The following PIK3C3 variants were observed in gnomAD, a reference collection of about 807,000 sequenced individuals.
PIK3C3 encodes the protein PI3-kinase type 3.
PIK3C3 carries 95 observed loss-of-function variants against 126.1 expected under a neutral mutation model. The observed-to-expected ratio is 0.75, with a 90% CI of 0.64 to 0.89. The LOEUF (loss-of-function observed/expected upper bound fraction) is 0.89. Among genes scored for constraint, PIK3C3 ranks in the 40% least tolerant of loss-of-function variants. The pLI, the probability that PIK3C3 is intolerant of heterozygous loss-of-function variation, is 0.00. For missense variants in PIK3C3, 829 were observed against 1,063.2 expected, an observed-to-expected ratio of 0.78 and a Z score of 3.06; for synonymous variants, 374 against 360.0, an observed-to-expected ratio of 1.04 and a Z score of -0.44.
chr18:42,008,117 C>T (rs1313766805), intron 10 of PIK3C3, among the ~76,000 whole-genome samples: 1 of 151,984 alleles, frequency 6.6e-6, no homozygotes, highest in African/African-American at 2.4e-5. Flanking sequence ...TTTTATCAGC[C>T]ATACACTTGT....
chr18:41,970,991 T>C (rs1980638111), intron 4 of PIK3C3: 1 of 155,548 alleles, frequency 6.4e-6, no homozygotes, highest in Non-Finnish European at 1.4e-5. Flanking sequence ...GAAGTGAAGA[T>C]GACTCAGACA....
chr18:42,076,140 A>ATG (rs1350123602), intron 24 of PIK3C3, among the ~76,000 whole-genome samples: 16 of 78,752 alleles, frequency 2.0e-4, no homozygotes, highest in African/African-American at 1.3e-3. Context: ...ATATATATAT[A>ATG]TATGCGCATA....
At chr18:41,958,820 A>T (rs1331975441) in intron 2 of PIK3C3, among the ~76,000 whole-genome samples, 2 of 152,142 alleles carry the variant, frequency 1.3e-5, no homozygotes, top group South Asian at 4.1e-4. Flanking sequence ...TAAACCTACA[A>T]AAATAGAATA....
chr18:42,041,685 G>C (rs1358605926), intron 19 of PIK3C3, among the ~76,000 whole-genome samples: 1 of 151,772 alleles, frequency 6.6e-6, no homozygotes, highest in African/African-American at 2.4e-5. Flanking sequence ...GTTTGATACA[G>C]TGTGTTTTTG....
chr18:42,000,883 C>A (rs547722928), intron 9 of PIK3C3, among the ~76,000 whole-genome samples: 3 of 152,084 alleles, frequency 2.0e-5, no homozygotes, highest in African/African-American at 7.2e-5. Flanking sequence ...TCTCATAACA[C>A]GTGGGAGCTG....
At chr18:41,995,774 A>G in intron 7 of PIK3C3, 116 bp from the exon 8 acceptor site, 1 of 701,172 alleles carries the variant, frequency 1.4e-6, no homozygotes, top group Non-Finnish European at 2.5e-6. Flanking sequence ...AAGTTGTATC[A>G]GAACAAAACA....
At chr18:42,076,233 T>C (rs139655664) in intron 24 of PIK3C3, among the ~76,000 whole-genome samples, 2 of 148,046 alleles carry the variant, frequency 1.4e-5, no homozygotes, top group African/African-American at 5.0e-5. Flanking sequence ...CATATATATA[T>C]TACATATTCA....
intron 5 of PIK3C3, among the ~76,000 whole-genome samples, chr18:41,990,017 C>T (rs1329024144): frequency 6.6e-6 from 1 of 152,122 alleles, no homozygotes; most frequent in Non-Finnish European, 1.5e-5. Context: ...TTAGGTTGCA[C>T]ACTTTTCTTC....
intron 9 of PIK3C3, among the ~76,000 whole-genome samples, chr18:41,997,102 A>T (rs1406443765): frequency 1.3e-5 from 2 of 152,284 alleles, no homozygotes; most frequent in East Asian, 1.9e-4. Context: ...GTAACCTGGT[A>T]GAGTATCTGG....
At chr18:42,072,570 G>GC (rs1327145812) in intron 24 of PIK3C3, among the ~76,000 whole-genome samples, 10 of 151,902 alleles carry the variant, frequency 6.6e-5, no homozygotes, top group South Asian at 2.1e-4. Flanking sequence ...TTGTTCTGTC[G>GC]CCCCCCACTG....
chr18:42,023,976 A>G (rs1170058956), intron 13 of PIK3C3, among the ~76,000 whole-genome samples: 1 of 152,200 alleles, frequency 6.6e-6, no homozygotes, highest in African/African-American at 2.4e-5. Flanking sequence ...CTTTTAAGCC[A>G]CAGAGGGGCG....
chr18:42,024,881 G>A (rs1195462875), intron 13 of PIK3C3, among the ~76,000 whole-genome samples: 1 of 150,878 alleles, frequency 6.6e-6, no homozygotes, highest in East Asian at 2.0e-4. Context: ...TCGGCTCACT[G>A]CAAGCTCTGC....
intron 5 of PIK3C3, among the ~76,000 whole-genome samples, chr18:41,989,841 C>T (rs1279189604): frequency 2.0e-5 from 3 of 152,014 alleles, no homozygotes; most frequent in African/African-American, 7.2e-5. Flanking sequence ...AAAGGGGACA[C>T]AATTATATAA....
In PIK3C3 at chr18:42,038,788, G is replaced by A. The variant is rs1331467644; in HGVS notation, c.1976G>A (p.Arg659Gln). The A allele has an allele frequency of 5.6e-6, 9 of 1,600,592 alleles. No individual in the cohort carries two copies. The highest frequency in any genetic ancestry group is 1.7e-5 in the Admixed American group (1 of 59,744). ...QIISLMDKLL[R>Q]KENLDLKLTP... ...TTACCTTTTGATTAAAAGCTGTTAC[G>A]GAAAGAAAATCTGGACTTGAAATTG... is the stretch of plus-strand genomic sequence containing the variant. The change falls in exon 18 of 25, where the codon CGG (arginine) becomes CAG (glutamine). Residue 659 changes from arginine to glutamine, a missense_variant. Physicochemically the swap from Arg to Gln is conservative, Grantham distance 43. Transcript: ENST00000262039.
intron 21 of PIK3C3, among the ~76,000 whole-genome samples, chr18:42,053,401 T>G (rs1984892337): frequency 6.6e-6 from 1 of 152,224 alleles, no homozygotes; most frequent in African/African-American, 2.4e-5. Context: ...CCACCATAAA[T>G]GTAAAAGTGT....
intron 2 of PIK3C3, among the ~76,000 whole-genome samples, chr18:41,960,464 C>T (rs1488504074): frequency 1.3e-5 from 2 of 152,248 alleles, no homozygotes; most frequent in East Asian, 1.9e-4. Context: ...TAATCAGATT[C>T]GAGTGCTAGC....
chr18:42,040,789 T>G (rs759077624), intron 19 of PIK3C3, 48 bp downstream of exon 19: 24 of 1,241,044 alleles, frequency 1.9e-5, no homozygotes, highest in Non-Finnish European at 2.6e-5. Flanking sequence ...ATTCTTGTCA[T>G]AAAAAATTCA....
At chr18:41,977,998 T>G (rs1981014493) in intron 4 of PIK3C3, among the ~76,000 whole-genome samples, 1 of 151,806 alleles carries the variant, frequency 6.6e-6, no homozygotes, top group African/African-American at 2.4e-5. Context: ...GTCTCGCCTT[T>G]TTTCCCAGGC....
chr18:42,035,956 T>C (rs1450844967), intron 16 of PIK3C3, among the ~76,000 whole-genome samples: 3 of 152,180 alleles, frequency 2.0e-5, no homozygotes, highest in Admixed American at 2.0e-4. Flanking sequence ...CCTGTGGTTG[T>C]TTTCTTGCTT....
Sources: gnomAD v4.1 joint callset for allele counts (sites outside exome capture counted in the v4.1 genomes callset) on GRCh38, gnomAD v4.1.1 for gene constraint, MANE v1.5 for transcripts, NCBI Gene and HGNC (gene_info 2026-07-23, HGNC 2026-07-21) for gene names.